TTC13: variants seen among roughly 807,000 people sequenced by gnomAD.
The protein encoded by TTC13 is tetratricopeptide repeat protein 13.
Under a neutral mutation model 120.0 loss-of-function variants are expected in TTC13, and 62 were observed. That is an observed-to-expected ratio of 0.52 (90% CI 0.42 to 0.64). TTC13 has a LOEUF of 0.64. Among genes scored for constraint, TTC13 ranks in the 30% least tolerant of loss-of-function variants. The pLI is 0.00. For missense variants in TTC13, 824 were observed against 1,050.2 expected, an observed-to-expected ratio of 0.78 and a Z score of 2.98; for synonymous variants, 384 against 393.5, an observed-to-expected ratio of 0.98 and a Z score of 0.28.
intron 1 of TTC13, among the ~76,000 whole-genome samples, chr1:230,974,542 G>T (rs566961895): frequency 7.2e-5 from 11 of 152,284 alleles, no homozygotes; most frequent in Admixed American, 1.3e-4. Context: ...AGAAGCAATA[G>T]GCTATACCAT....
intron 2 of TTC13, among the ~76,000 whole-genome samples, 198 bp from the exon 3 acceptor site, chr1:230,958,497 T>C (rs1009413103): frequency 1.6e-4 from 25 of 152,346 alleles, no homozygotes; most frequent in Middle Eastern, 3.4e-3. Flanking sequence ...GAAACTCTTA[T>C]CAGCTCCTTC....
intron 20 of TTC13, 129 bp from the exon 21 acceptor site, chr1:230,909,149 T>A: frequency 1.4e-6 from 1 of 729,086 alleles, no homozygotes; most frequent in Non-Finnish European, 2.3e-6. Context: ...AAACACCGAA[T>A]GTTTCATTTA....
intron 2 of TTC13, among the ~76,000 whole-genome samples, chr1:230,960,048 T>C (rs1033033672): frequency 1.3e-5 from 2 of 152,234 alleles, no homozygotes; most frequent in African/African-American, 4.8e-5. Flanking sequence ...ACTCACCTAG[T>C]ACAATGCCTG....
chr1:230,957,342 A>G (rs1489138870), intron 3 of TTC13, among the ~76,000 whole-genome samples: 1 of 152,164 alleles, frequency 6.6e-6, no homozygotes, highest in East Asian at 1.9e-4. Flanking sequence ...CAGGAGTCCT[A>G]GGGAAGAAGA....
intron 22 of TTC13, among the ~76,000 whole-genome samples, chr1:230,907,408 C>G (rs1349738431): frequency 1.3e-5 from 2 of 152,306 alleles, no homozygotes; most frequent in East Asian, 3.9e-4. Flanking sequence ...GTTCTTAACT[C>G]GCAAAGTTAC....
At chr1:230,954,462 A>G in intron 3 of TTC13, 59 bp from the exon 4 acceptor site, 1 of 1,296,096 alleles carries the variant, frequency 7.7e-7, no homozygotes. Flanking sequence ...AACTAGAATC[A>G]ATAACTAAAT....
intron 4 of TTC13, among the ~76,000 whole-genome samples, chr1:230,949,491 G>C (rs6695275): frequency 0.053 from 7,808 of 146,538 alleles, 446 homozygotes; most frequent in African/African-American, 0.14. Context: ...TCATCATCTT[G>C]ACTGCAGGAT....
intron 1 of TTC13, among the ~76,000 whole-genome samples, chr1:230,964,222 G>A (rs962425339): frequency 6.6e-5 from 10 of 152,094 alleles, no homozygotes; most frequent in Non-Finnish European, 8.8e-5. Context: ...TTCTTAATAC[G>A]AACAGTATTT....
intron 1 of TTC13, among the ~76,000 whole-genome samples, chr1:230,967,916 T>G (rs973921710): frequency 1.3e-5 from 2 of 152,240 alleles, no homozygotes; most frequent in South Asian, 2.1e-4. Flanking sequence ...CTGATTACTA[T>G]AGAAACTGTG....
chr1:230,928,657 A>G lies in TTC13; in HGVS notation c.1457+280T>C, dbSNP rs115915634. Among the ~76,000 whole-genome samples, 455 of 152,278 alleles carry G rather than the reference A, an allele frequency of 3.0e-3. 2 individuals are homozygous for G. Among genetic ancestry groups the G allele is most frequent in the African/African-American group, 0.011 (438 of 41,554 alleles). ...TCTGGGCTTTTTGCTTTGACTCCCA[A>G]TGGTAATGTTAATGTATCTACCATT... On this transcript the variant is annotated intron_variant, in intron 12 of 22. Coordinates refer to ENST00000366661, the MANE Select transcript of TTC13 (RefSeq NM_024525.5).
intron 22 of TTC13, among the ~76,000 whole-genome samples, chr1:230,907,949 G>T (rs897803243): frequency 6.6e-6 from 1 of 151,980 alleles, no homozygotes; most frequent in African/African-American, 2.4e-5. Flanking sequence ...AGCCAGGAAC[G>T]ATCATGGTCT....
At chr1:230,909,506 C>G (rs1671273854) in intron 20 of TTC13, among the ~76,000 whole-genome samples, 1 of 152,202 alleles carries the variant, frequency 6.6e-6, no homozygotes, top group Non-Finnish European at 1.5e-5. Context: ...GTGGCATGTG[C>G]CTGTAGTCCC....
chr1:230,975,617 TAAAC>T (rs1678215550), intron 1 of TTC13, among the ~76,000 whole-genome samples: 4 of 152,096 alleles, frequency 2.6e-5, no homozygotes, highest in Admixed American at 2.6e-4. Context: ...TCTCTACAAG[TAAAC>T]AAAGAGAGAA....
In TTC13 at chr1:230,912,723, G is replaced by A; in HGVS notation, c.2129C>T (p.Thr710Ile). The change falls in exon 19 of 23, where the codon ACC becomes ATC. Residue 710 changes from threonine to isoleucine, a missense_variant. Coordinates refer to ENST00000366661, the MANE Select transcript of TTC13 (RefSeq NM_024525.5). The stretch of plus-strand genomic sequence containing the variant: ...ATATAATTGTGTCCTTTCTTCCGTG[G>A]TTTGAGTTTCCACAGAAAATAATAT... ...GNILFSVETQ[T>I]TEERTQLYHA... The A allele has an allele frequency of 6.2e-7, 1 of 1,611,986 alleles. No homozygotes were observed.
chr1:230,971,481 T>C (rs766002505), intron 1 of TTC13, among the ~76,000 whole-genome samples: 3 of 152,136 alleles, frequency 2.0e-5, no homozygotes, highest in Non-Finnish European at 4.4e-5. Flanking sequence ...AGAATTTATA[T>C]GCTTCATTTA....
intron 3 of TTC13, among the ~76,000 whole-genome samples, chr1:230,956,958 A>G (rs1310289321): frequency 1.3e-5 from 2 of 152,192 alleles, no homozygotes; most frequent in Admixed American, 1.3e-4. Context: ...CTGGATACAA[A>G]AGATCATAGG....
Position 230,908,712 on chromosome 1 carries a change from CT to C in TTC13, c.2467del (p.Ser823ValfsTer19), listed in dbSNP as rs1293110232. Reference sequence around the variant, plus strand: ...GTGTGGACCCCCCTCAAGTAGTTACCTTTTCAAGTTCATCCAGCTTTTGGCG... The same window carrying C: ...GTGTGGACCCCCCTCAAGTAGTTACCTTTCAAGTTCATCCAGCTTTTGGCG... The part of the protein sequence containing the change: ...KVAKSWMNLK[S>X]ISPSYKTLPS... On this transcript the variant is annotated frameshift_variant and splice_region_variant, in exon 22 of 23. Coordinates refer to ENST00000366661, the MANE Select transcript of TTC13 (RefSeq NM_024525.5). LOFTEE classifies it high-confidence loss of function. The C allele has an allele frequency of 1.2e-6, 2 of 1,612,772 alleles. No individual in the cohort carries two copies. The highest frequency in any genetic ancestry group is 3.3e-5 in the Admixed American group (2 of 59,966).
intron 3 of TTC13, among the ~76,000 whole-genome samples, chr1:230,957,676 C>A (rs1676223074): frequency 6.6e-6 from 1 of 152,130 alleles, no homozygotes; most frequent in African/African-American, 2.4e-5. Flanking sequence ...GAGGGAAACA[C>A]ACCCAGTGCA....
At chr1:230,936,921 A>G (rs71636372) in intron 8 of TTC13, among the ~76,000 whole-genome samples, 220 of 152,306 alleles carry the variant, frequency 1.4e-3, no homozygotes, top group Middle Eastern at 3.4e-3. Flanking sequence ...TCTATACCTC[A>G]TGGAGATGCC....
Sources: gnomAD v4.1 joint callset for allele counts (sites outside exome capture counted in the v4.1 genomes callset) on GRCh38, gnomAD v4.1.1 for gene constraint, MANE v1.5 for transcripts, NCBI Gene and HGNC (gene_info 2026-07-23, HGNC 2026-07-21) for gene names.